Variants in IFT140 observed in about 807,000 individuals in gnomAD.
The protein encoded by IFT140 is intraflagellar transport 140, also known as intraflagellar transport protein 140 homolog.
A neutral mutation model predicts 164.6 loss-of-function variants in IFT140; 133 were observed. That is an observed-to-expected ratio of 0.81 (90% CI 0.70 to 0.93). The LOEUF (loss-of-function observed/expected upper bound fraction) is 0.93, where lower values mean the gene tolerates loss of function less well. IFT140 is among the 40% of genes least tolerant of loss of function. IFT140 has a pLI of 0.00. For missense variants in IFT140, 2,045 were observed against 1,972.3 expected (o/e 1.04, Z -0.70); for synonymous variants, 860 against 817.3 (o/e 1.05, Z -0.89).
rs2040482751 is a variant in IFT140, at chr16:1,520,335, C to T, written c.3669G>A (p.Arg1223=). ...TQAGNKLKAM[R]ALLKSGDTEK... is the part of the protein sequence containing the mutation. ...CCGTGTCTCCGGATTTGAGCAGCGC[C>T]CTCATGGCCTAGGCAGAGAGACAGC... The change falls in exon 28 of 31, where the codon AGG becomes AGA. Residue 1223 remains arginine (R), a synonymous_variant. Coordinates refer to ENST00000426508, the MANE Select transcript of IFT140 (RefSeq NM_014714.4). The T allele has an allele frequency of 1.2e-6, 2 of 1,613,890 alleles. No homozygotes were observed. Among genetic ancestry groups the T allele is most frequent in the African/African-American group, 1.3e-5 (1 of 74,906 alleles).
At chr16:1,517,683 C>CT (rs2040405028) in intron 30 of IFT140, among the ~76,000 whole-genome samples, 1 of 152,110 alleles carries the variant, frequency 6.6e-6, no homozygotes, top group Non-Finnish European at 1.5e-5. Flanking sequence ...ACACCATTTT[C>CT]TTTTTTTGTG....
rs373161890 is a variant in IFT140, at chr16:1,553,847, G to A, written c.2399+4088C>T. The A allele has an allele frequency of 1.6e-5, 20 of 1,226,580 alleles. No individual in the cohort carries two copies. Among genetic ancestry groups the A allele is most frequent in the African/African-American group, 1.3e-4 (8 of 63,736 alleles). The allele number at this position is 1,226,580 out of a possible 1,614,324, so 76.0% of individuals were successfully genotyped here. ...CCGGCTCCATCGCTGCGGCCACAGTGTCCTGTTATCCTAGTTGGTAGACTC... is the reference window on the plus strand; with the variant it reads ...CCGGCTCCATCGCTGCGGCCACAGTATCCTGTTATCCTAGTTGGTAGACTC... On this transcript the variant is annotated intron_variant, in intron 19 of 30. Coordinates refer to ENST00000426508, the MANE Select transcript of IFT140 (RefSeq NM_014714.4). The surrounding 1 kb of genome is among the most constrained non-coding windows in gnomAD (Gnocchi z 4.4).
intron 12 of IFT140, among the ~76,000 whole-genome samples, chr16:1,582,344 C>G (rs1285015869): frequency 6.6e-6 from 1 of 152,172 alleles, no homozygotes; most frequent in Non-Finnish European, 1.5e-5. Flanking sequence ...GAGACAGAGA[C>G]TGGAGGTTTG....
intron 19 of IFT140, among the ~76,000 whole-genome samples, chr16:1,546,268 A>G (rs1431583094): frequency 1.3e-5 from 2 of 152,224 alleles, no homozygotes; most frequent in African/African-American, 2.4e-5. Context: ...CGACTTCTGC[A>G]GGCAGCCTAG....
chr16:1,524,538 C>A lies in IFT140; in HGVS notation c.3141+14G>T. On this transcript the variant is annotated intron_variant, in intron 24 of 30. Transcript: ENST00000426508. ...CTCGAGAAGCGCCGGCTCCCCACCCCGGGCCCGTGGTACCTTGCACAGGCG... is the reference window on the plus strand; with the variant it reads ...CTCGAGAAGCGCCGGCTCCCCACCCAGGGCCCGTGGTACCTTGCACAGGCG... The A allele has an allele frequency of 6.2e-7, 1 of 1,611,086 alleles. No individual in the cohort carries two copies. Among genetic ancestry groups the A allele is most frequent in the Non-Finnish European group, 8.5e-7 (1 of 1,179,144 alleles).
intron 19 of IFT140, among the ~76,000 whole-genome samples, chr16:1,529,581 G>T (rs116085678): frequency 1.3e-5 from 2 of 152,228 alleles, no homozygotes. Flanking sequence ...ACAGGGAGAG[G>T]CCTGAGCACC....
chr16:1,576,097 C>T (rs548520905), intron 13 of IFT140, among the ~76,000 whole-genome samples: 1 of 151,808 alleles, frequency 6.6e-6, no homozygotes, highest in African/African-American at 2.4e-5. Flanking sequence ...ACCAGTCTGA[C>T]CAATATGGTG....
chr16:1,523,238 C>A (rs1170841825), intron 26 of IFT140, among the ~76,000 whole-genome samples: 2 of 148,996 alleles, frequency 1.3e-5, no homozygotes, highest in Admixed American at 6.7e-5. Flanking sequence ...AAAAAAAAGG[C>A]TAAGATGGTA....
intron 3 of IFT140, among the ~76,000 whole-genome samples, chr16:1,606,845 T>TGTGCACACACACGC (rs1287800797): frequency 6.6e-6 from 1 of 151,714 alleles, no homozygotes; most frequent in South Asian, 2.1e-4. Context: ...CACACACACG[T>TGTGCACACACACGC]GTGCACACAC....
intron 3 of IFT140, among the ~76,000 whole-genome samples, chr16:1,604,897 G>A (rs1216858049): frequency 2.0e-5 from 3 of 152,036 alleles, no homozygotes; most frequent in African/African-American, 7.2e-5. Flanking sequence ...TCATTGAGAT[G>A]GGAGGTGCCC....
At chr16:1,534,549 G>C (rs774099296) in intron 19 of IFT140, 1 of 1,603,010 alleles carries the variant, frequency 6.2e-7, no homozygotes. Flanking sequence ...CCGAGGCACC[G>C]TCAAACGTAA....
chr16:1,543,841 C>T (rs1401947535), intron 19 of IFT140, among the ~76,000 whole-genome samples: 2 of 152,110 alleles, frequency 1.3e-5, no homozygotes, highest in Non-Finnish European at 2.9e-5. Flanking sequence ...CAATCTCTAC[C>T]GCGTGCAGGA....
chr16:1,568,184 C>A (rs769829931), intron 15 of IFT140, 33 bp downstream of exon 15: 1 of 1,474,098 alleles, frequency 6.8e-7, no homozygotes, highest in South Asian at 1.2e-5. Flanking sequence ...GGTGAGGAGG[C>A]GGAGTGGGCG....
At chr16:1,529,330 C>G (rs114478246) in intron 19 of IFT140, among the ~76,000 whole-genome samples, 1 of 152,212 alleles carries the variant, frequency 6.6e-6, no homozygotes, top group African/African-American at 2.4e-5. Flanking sequence ...TCTGGGGGGC[C>G]GGGAAGTGAG....
chr16:1,597,678 C>G (rs1436840280), intron 4 of IFT140, among the ~76,000 whole-genome samples: 1 of 152,224 alleles, frequency 6.6e-6, no homozygotes, highest in African/African-American at 2.4e-5. Context: ...CTTAGATTTT[C>G]TTAGAAGGAT....
intron 4 of IFT140, among the ~76,000 whole-genome samples, chr16:1,599,293 C>CT: frequency 1.1e-5 from 1 of 88,020 alleles, no homozygotes; most frequent in African/African-American, 6.8e-5. Flanking sequence ...AGCATCTCCG[C>CT]CCGGCAGCCA....
In IFT140 at chr16:1,564,028, C is replaced by A. The variant is rs746055316; in HGVS notation, c.2036G>T (p.Gly679Val). Reference protein sequence around the residue: ...TPRSQPQSANGQPQDGRAGPA... With the variant: ...TPRSQPQSANVQPQDGRAGPA... ...GCCAGCGCGCCCATCTTGGGGCTGCCCGTTTGCAGACTGAGGCTGGGAGCG... is the reference window on the plus strand; with the variant it reads ...GCCAGCGCGCCCATCTTGGGGCTGCACGTTTGCAGACTGAGGCTGGGAGCG... The change falls in exon 17 of 31, where the codon GGG becomes GTG. Residue 679 changes from glycine (G) to valine (V), a missense_variant. By Grantham distance (109) the Gly-to-Val change is moderately radical. Coordinates refer to ENST00000426508, the MANE Select transcript of IFT140 (RefSeq NM_014714.4). This position sits in a 1 kb window ranked among gnomAD's most constrained non-coding sequence, Gnocchi z 5.5. 6.3e-7 allele frequency: 1 copy of A among 1,594,726 alleles called. No individual in the cohort carries two copies. The highest frequency in any genetic ancestry group is 2.3e-5 in the East Asian group (1 of 44,098).
chr16:1,563,092 C>T (rs1305172773), intron 17 of IFT140, among the ~76,000 whole-genome samples: 1 of 152,046 alleles, frequency 6.6e-6, no homozygotes, highest in Non-Finnish European at 1.5e-5. Context: ...ACGTCTCCAT[C>T]TTCCCCGGGT....
chr16:1,525,962 AC>A lies in IFT140; in HGVS notation c.2692del (p.Val898CysfsTer52). On this transcript the variant is annotated frameshift_variant, in exon 21 of 31. Coordinates refer to ENST00000426508, the MANE Select transcript of IFT140 (RefSeq NM_014714.4). LOFTEE classifies it high-confidence loss of function. ...ALQVAEHHDR[V>X]HLRSTYHRYA... ...GCGGTGGTAGGTGCTGCGCAGGTGC[AC>A]GCGATCGTGGTGCTCGGCTACCTGG... The A allele has an allele frequency of 6.3e-7, 1 of 1,584,368 alleles. No individual in the cohort carries two copies.
Sources: gnomAD v4.1 joint callset for allele counts (sites outside exome capture counted in the v4.1 genomes callset) on GRCh38, gnomAD v4.1.1 for gene constraint, Gnocchi (gnomAD v3.1) non-coding constraint, MANE v1.5 for transcripts, NCBI Gene and HGNC (gene_info 2026-07-23, HGNC 2026-07-21) for gene names.